The following ABTB2 variants were observed in gnomAD, a reference collection of about 807,000 sequenced individuals.
ABTB2 encodes the protein ankyrin repeat and BTB domain containing 2.
ABTB2 carries 56 observed loss-of-function variants against 104.1 expected under a neutral mutation model. The ratio of observed to expected loss-of-function variants is 0.54; its 90% CI spans 0.43 to 0.67. ABTB2 has a LOEUF of 0.67. Among genes scored for constraint, ABTB2 ranks in the 30% least tolerant of loss-of-function variants. The pLI is 0.00. For synonymous variants in ABTB2, 606 were observed against 608.2 expected, an observed-to-expected ratio of 1.00 and a Z score of 0.05; for missense variants, 1,279 against 1,407.7, an observed-to-expected ratio of 0.91 and a Z score of 1.46.
In ABTB2 at chr11:34,170,966, G is replaced by T; in HGVS notation, c.1503C>A (p.Asp501Glu). The change falls in exon 5 of 17, where the codon GAC becomes GAA. Residue 501 changes from aspartate (D) to glutamate (E), a missense_variant. Asp to Glu is a conservative substitution (Grantham distance 45). Coordinates refer to ENST00000435224, the MANE Select transcript of ABTB2 (RefSeq NM_145804.3). Reference sequence around the variant, plus strand: ...AGGCCTCGATGGCTTGGTTGATGAGGTCCGTCCTCCCACAGTTGAGCATGC... The same window carrying T: ...AGGCCTCGATGGCTTGGTTGATGAGTTCCGTCCTCCCACAGTTGAGCATGC... ...GFRMLNCGRTDLINQAIEALG... is the reference protein window; with the variant it reads ...GFRMLNCGRTELINQAIEALG... The T allele has an allele frequency of 1.2e-6, 2 of 1,614,192 alleles. No homozygotes were observed. Among genetic ancestry groups the T allele is most frequent in the Non-Finnish European group, 1.7e-6 (2 of 1,180,040 alleles).
chr11:34,207,967 A>C (rs888529442), intron 1 of ABTB2, among the ~76,000 whole-genome samples: 13 of 152,190 alleles, frequency 8.5e-5, no homozygotes, highest in African/African-American at 3.1e-4. Context: ...GCCTCCCATG[A>C]AACTCTACAG....
chr11:34,193,656 G>A (rs1039182760), intron 3 of ABTB2, among the ~76,000 whole-genome samples: 1 of 152,260 alleles, frequency 6.6e-6, no homozygotes, highest in African/African-American at 2.4e-5. Context: ...GTAGAAATGG[G>A]CTTTAAAAGA....
At chr11:34,214,997 A>C (rs1369206572) in intron 1 of ABTB2, among the ~76,000 whole-genome samples, 1 of 152,192 alleles carries the variant, frequency 6.6e-6, no homozygotes, top group Non-Finnish European at 1.5e-5. Flanking sequence ...CCTCATTCCA[A>C]GTATCTATCA....
At chr11:34,195,081 G>GGGGGGGT (rs1200774246) in intron 3 of ABTB2, among the ~76,000 whole-genome samples, 1 of 102,522 alleles carries the variant, frequency 9.8e-6, no homozygotes, top group Non-Finnish European at 2.3e-5. Context: ...CCGGCGGGGG[G>GGGGGGGT]GGGGAGTGGG....
chr11:34,307,351 C>CGA (rs1164361952), intron 1 of ABTB2, among the ~76,000 whole-genome samples: 1 of 152,222 alleles, frequency 6.6e-6, no homozygotes, highest in East Asian at 1.9e-4. Context: ...ATTCTCTCAA[C>CGA]GAGATCACAT....
At chr11:34,181,484 C>G (rs1341509118) in intron 3 of ABTB2, among the ~76,000 whole-genome samples, 2 of 152,140 alleles carry the variant, frequency 1.3e-5, no homozygotes, top group Admixed American at 1.3e-4. Context: ...CAAGCACAAG[C>G]CTCGGGTCTC....
chr11:34,239,161 C>T (rs2475164), intron 1 of ABTB2, among the ~76,000 whole-genome samples: 75,156 of 151,808 alleles, frequency 0.5, 19,086 homozygotes, highest in Middle Eastern at 0.63. Flanking sequence ...ATCTGTGGGA[C>T]GACAACACCT....
At position 34,357,824 on chromosome 11, in the gene ABTB2, G is replaced by A; in HGVS notation, c.-241C>T. The A allele has an allele frequency of 4.0e-6, 2 of 498,300 alleles. No homozygotes were observed. The highest frequency in any genetic ancestry group is 3.3e-5 in the East Asian group (1 of 30,090). The allele number at this position is 498,300 out of a possible 1,614,324, so 30.9% of individuals were successfully genotyped here. A position where few individuals can be genotyped will look rare whatever the true frequency, so the allele number is the denominator to read the frequency against. ...CGCAGCTGCCACTGGAAAGAACCCC[G>A]TCGCTACCCCCCGGCACTCCCCCTT... On this transcript the variant is annotated 5_prime_UTR_variant, in exon 1 of 17. It adds an upstream start codon to the 5' untranslated region. Transcript: ENST00000435224.
intron 1 of ABTB2, among the ~76,000 whole-genome samples, chr11:34,259,384 C>A (rs1215880548): frequency 6.6e-6 from 1 of 152,218 alleles, no homozygotes; most frequent in Non-Finnish European, 1.5e-5. Flanking sequence ...TACCCAGCAA[C>A]CCTAAGCTCT....
intron 1 of ABTB2, among the ~76,000 whole-genome samples, chr11:34,346,758 A>G (rs1187888868): frequency 6.6e-6 from 1 of 152,220 alleles, no homozygotes; most frequent in Non-Finnish European, 1.5e-5. Context: ...GATTCATGCC[A>G]GGTCACAGAC....
At chr11:34,350,922 T>C (rs1011353170) in intron 1 of ABTB2, among the ~76,000 whole-genome samples, 1 of 152,126 alleles carries the variant, frequency 6.6e-6, no homozygotes, top group Admixed American at 6.5e-5. Context: ...GACCTCTCAG[T>C]GAAAGGACAC....
intron 1 of ABTB2, among the ~76,000 whole-genome samples, chr11:34,256,735 G>A (rs1854127714): frequency 6.6e-6 from 1 of 152,162 alleles, no homozygotes; most frequent in South Asian, 2.1e-4. Flanking sequence ...GTGAAAAATG[G>A]TTCATGAAGT....
At chr11:34,232,596 T>C (rs1853786251) in intron 1 of ABTB2, among the ~76,000 whole-genome samples, 2 of 152,140 alleles carry the variant, frequency 1.3e-5, no homozygotes, top group Admixed American at 6.5e-5. Flanking sequence ...TCTGTAGCCT[T>C]CTCTCACAGA....
chr11:34,220,935 T>C (rs916678523), intron 1 of ABTB2, among the ~76,000 whole-genome samples: 3 of 152,078 alleles, frequency 2.0e-5, no homozygotes, highest in African/African-American at 7.2e-5. Context: ...TGTCTACGTC[T>C]TCACATGATC....
intron 1 of ABTB2, among the ~76,000 whole-genome samples, chr11:34,241,006 T>C (rs187521680): frequency 2.0e-5 from 3 of 152,154 alleles, no homozygotes; most frequent in Admixed American, 1.3e-4. Context: ...GTTCACAGGG[T>C]TTTTAGGGCA....
chr11:34,154,951 A>C lies in ABTB2; in HGVS notation c.2698-182T>G, dbSNP rs1184019792. ...GACTTGTGTTTTCCCGGGGAAGCCAACTCCAAGACCCTCTCTCCTGAGTCC... is the reference window on the plus strand; with the variant it reads ...GACTTGTGTTTTCCCGGGGAAGCCACCTCCAAGACCCTCTCTCCTGAGTCC... On this transcript the variant is annotated intron_variant, in intron 14 of 16. Coordinates refer to ENST00000435224, the MANE Select transcript of ABTB2 (RefSeq NM_145804.3). This position sits in a 1 kb window ranked among gnomAD's most constrained non-coding sequence, Gnocchi z 4.9. Among the ~76,000 whole-genome samples the C allele has an allele frequency of 2.6e-5, 4 of 151,526 alleles. No homozygotes were observed. Among genetic ancestry groups the C allele is most frequent in the Non-Finnish European group, 5.9e-5 (4 of 67,842 alleles).
chr11:34,197,178 T>C, intron 3 of ABTB2, 147 bp downstream of exon 3: 4 of 889,640 alleles, frequency 4.5e-6, no homozygotes, highest in Non-Finnish European at 7.2e-6. Flanking sequence ...TCCATCGGAA[T>C]TCCTGGGCCA....
intron 14 of ABTB2, among the ~76,000 whole-genome samples, chr11:34,155,332 A>G (rs1207712864): frequency 6.6e-6 from 1 of 152,304 alleles, no homozygotes; most frequent in East Asian, 1.9e-4. Context: ...TGCTTCCTCA[A>G]AAAGAAAGCG....
Position 34,154,482 on chromosome 11 carries a change from C to A in ABTB2, c.2767-104G>T. 1 of 898,012 alleles carries A rather than the reference C, an allele frequency of 1.1e-6. No individual in the cohort carries two copies. Among genetic ancestry groups the A allele is most frequent in the Non-Finnish European group, 1.8e-6 (1 of 570,896 alleles). 55.6% of individuals were successfully genotyped at this position (898,012 alleles called of 1,614,324 possible). On this transcript the variant is annotated intron_variant, in intron 15 of 16. Transcript: ENST00000435224. The surrounding 1 kb of genome is among the most constrained non-coding windows in gnomAD (Gnocchi z 4.9). ...AGTGCCGTGTGCCCTGCTGCCTCCA[C>A]CCTCAGGCCCCACTACCTTCTGATA... is the stretch of plus-strand genomic sequence containing the variant.
Sources: allele counts gnomAD v4.1 joint callset (sites outside exome capture counted in the v4.1 genomes callset), GRCh38; gene constraint gnomAD v4.1.1; non-coding constraint Gnocchi (gnomAD v3.1); transcripts MANE v1.5; gene names NCBI Gene and HGNC (gene_info 2026-07-23, HGNC 2026-07-21).